Variants in ACBD6 observed in about 807,000 individuals in gnomAD.
ACBD6 encodes acyl-CoA binding domain containing 6, also known as acyl-CoA-binding domain-containing protein 6.
A neutral mutation model predicts 37.2 loss-of-function variants in ACBD6; 28 were observed. That is an observed-to-expected ratio of 0.75 (90% CI 0.56 to 1.03). The LOEUF is 1.03. Ranked by LOEUF, ACBD6 falls within the 50% of genes least tolerant of loss-of-function variation. ACBD6 has a pLI of 0.00. For missense variants in ACBD6, 340 were observed against 337.4 expected (o/e 1.01, Z -0.06); for synonymous variants, 113 against 126.8 (o/e 0.89, Z 0.73).
chr1:180,305,765 A>G (rs1414399568), intron 7 of ACBD6, among the ~76,000 whole-genome samples: 1 of 152,158 alleles, frequency 6.6e-6, no homozygotes, highest in Non-Finnish European at 1.5e-5. Flanking sequence ...TATACCCAAA[A>G]AAGTATAAAT....
chr1:180,355,872 ATT>A (rs34079820), intron 6 of ACBD6, among the ~76,000 whole-genome samples: 19 of 147,894 alleles, frequency 1.3e-4, no homozygotes, highest in East Asian at 4.0e-4. Flanking sequence ...TATTGCTATA[ATT>A]TTTTTTTTTT....
intron 5 of ACBD6, among the ~76,000 whole-genome samples, chr1:180,402,393 C>T (rs962220506): frequency 6.6e-6 from 1 of 152,162 alleles, no homozygotes; most frequent in Admixed American, 6.6e-5. Flanking sequence ...AAATCACACA[C>T]CAGTATGTGT....
chr1:180,319,773 G>C (rs2794975), intron 6 of ACBD6, among the ~76,000 whole-genome samples: 7,807 of 152,190 alleles, frequency 0.051, 249 homozygotes, highest in Non-Finnish European at 0.059. Flanking sequence ...TCTGTGCATG[G>C]CTTATTTCAC....
chr1:180,502,343 G>A lies in ACBD6; in HGVS notation c.-77C>T. 2.0e-6 allele frequency: 3 copies of A among 1,510,460 alleles called. No individual in the cohort carries two copies. Among genetic ancestry groups the A allele is most frequent in the Non-Finnish European group, 1.8e-6 (2 of 1,100,856 alleles). The allele number at this position is 1,510,460 out of a possible 1,614,324, so 93.6% of individuals were successfully genotyped here. On this transcript the variant is annotated 5_prime_UTR_variant, in exon 1 of 8. Transcript: ENST00000367595. ...GGTGTAAGGCCGGCTTGGAGGCCTGGCCCACCAGTCTGGGTCGCGAGCCTG... is the reference window on the plus strand; with the variant it reads ...GGTGTAAGGCCGGCTTGGAGGCCTGACCCACCAGTCTGGGTCGCGAGCCTG...
At chr1:180,302,032 GATTT>G (rs1650149227) in intron 7 of ACBD6, among the ~76,000 whole-genome samples, 1 of 149,504 alleles carries the variant, frequency 6.7e-6, no homozygotes, top group African/African-American at 2.5e-5. Flanking sequence ...TTTTATAATA[GATTT>G]ATTGGGGGGG....
At position 180,335,520 on chromosome 1, in the gene ACBD6, A is replaced by G. The variant is rs1368537222; in HGVS notation, c.664-20798T>C. ...ACAGCTCCTGAAGGAAGCACTAAAC[A>G]TGGAAAGGAACAACAGGTACCAGCC... On this transcript the variant is annotated intron_variant, in intron 6 of 7. Coordinates refer to ENST00000367595, the MANE Select transcript of ACBD6 (RefSeq NM_032360.4). Among the ~76,000 whole-genome samples the G allele has an allele frequency of 2.6e-5, 4 of 152,172 alleles. No homozygotes were observed. In the East Asian group the frequency reaches 7.7e-4, roughly 29 times the overall value.
At chr1:180,493,665 C>A (rs2102093881) in intron 2 of ACBD6, among the ~76,000 whole-genome samples, 1 of 152,272 alleles carries the variant, frequency 6.6e-6, no homozygotes, top group South Asian at 2.1e-4. Context: ...AATTTATCAT[C>A]AATTACTATT....
chr1:180,453,087 A>ATCAAAACCC (rs2102029802), intron 3 of ACBD6, among the ~76,000 whole-genome samples: 1 of 152,372 alleles, frequency 6.6e-6, no homozygotes, highest in South Asian at 2.1e-4. Context: ...TCAACCTGAT[A>ATCAAAACCC]TCAAAACCCG....
chr1:180,288,186 G>T (rs537466241), downstream of ACBD6: 2 of 808,686 alleles, frequency 2.5e-6, no homozygotes, highest in South Asian at 3.4e-5. Flanking sequence ...AAACTGTACT[G>T]CCTAGAATGT....
intron 3 of ACBD6, among the ~76,000 whole-genome samples, chr1:180,469,971 T>A (rs1650497080): frequency 6.6e-6 from 1 of 151,874 alleles, no homozygotes; most frequent in African/African-American, 2.4e-5. Context: ...ACACTACTAA[T>A]CTCCAAAAGC....
chr1:180,362,461 G>C (rs934465182), intron 6 of ACBD6, among the ~76,000 whole-genome samples: 4 of 152,082 alleles, frequency 2.6e-5, no homozygotes, highest in Admixed American at 6.6e-5. Flanking sequence ...AAAGATGACT[G>C]TTTTGTCATG....
chr1:180,314,457 C>T (rs1045874767), intron 7 of ACBD6, among the ~76,000 whole-genome samples: 1 of 152,150 alleles, frequency 6.6e-6, no homozygotes, highest in Non-Finnish European at 1.5e-5. Flanking sequence ...GTTGGCCAGG[C>T]TGGTCTTGAA....
intron 4 of ACBD6, among the ~76,000 whole-genome samples, chr1:180,426,243 ACTACAAAATATAACAGGGAGGATCAAAT>A: frequency 6.6e-6 from 1 of 152,250 alleles, no homozygotes; most frequent in African/African-American, 2.4e-5. Context: ...ATGACATCAA[ACTACAAAATATAACAGGGAGGATCAAAT>A]CTTATTGCAG....
Position 180,389,927 on chromosome 1 carries a change from G to A in ACBD6, c.663+7589C>T, listed in dbSNP as rs1390065214. ...GCCCTTTGTCAGATGAGTAGGTTGC[G>A]AAAATTTTCTCCCATTTTGTAGGTT... On this transcript the variant is annotated intron_variant, in intron 6 of 7. Transcript: ENST00000367595. Among the ~76,000 whole-genome samples, 98 of 152,030 alleles carry A rather than the reference G, an allele frequency of 6.4e-4. No individual in the cohort carries two copies. In the South Asian group the frequency reaches 0.017, roughly 26 times the overall value.
At chr1:180,331,470 A>C (rs141667675) in intron 6 of ACBD6, among the ~76,000 whole-genome samples, 51 of 152,334 alleles carry the variant, frequency 3.3e-4, no homozygotes, top group Middle Eastern at 3.4e-3. Flanking sequence ...TTAATTTGAA[A>C]TACTTTGGGG....
At chr1:180,351,413 C>G (rs940960754) in intron 6 of ACBD6, among the ~76,000 whole-genome samples, 2 of 151,762 alleles carry the variant, frequency 1.3e-5, no homozygotes, top group African/African-American at 4.8e-5. Flanking sequence ...CTAGCTGGGA[C>G]TACAGGTGCG....
At chr1:180,324,883 T>C (rs2149296834) in intron 6 of ACBD6, among the ~76,000 whole-genome samples, 1 of 152,262 alleles carries the variant, frequency 6.6e-6, no homozygotes, top group Middle Eastern at 3.4e-3. Flanking sequence ...GGTAAATTTT[T>C]TTTTGTTTGT....
chr1:180,290,908 T>A (rs914983008), intron 7 of ACBD6, among the ~76,000 whole-genome samples: 4 of 152,166 alleles, frequency 2.6e-5, no homozygotes, highest in African/African-American at 9.7e-5. Context: ...TGTCAAGTGA[T>A]CCACAGGCAT....
At chr1:180,399,362 G>A (rs965555056) in intron 5 of ACBD6, among the ~76,000 whole-genome samples, 2 of 152,064 alleles carry the variant, frequency 1.3e-5, no homozygotes, top group African/African-American at 2.4e-5. Flanking sequence ...TCTGCCTTCC[G>A]GTTTCAAGCA....
Sources: gnomAD v4.1 joint callset for allele counts (sites outside exome capture counted in the v4.1 genomes callset) on GRCh38, gnomAD v4.1.1 for gene constraint, MANE v1.5 for transcripts, NCBI Gene and HGNC (gene_info 2026-07-23, HGNC 2026-07-21) for gene names.